Variants in WIPF1 observed in about 807,000 individuals in gnomAD.
The protein encoded by WIPF1 is WAS/WASL interacting protein family member 1.
Under a neutral mutation model 35.4 loss-of-function variants are expected in WIPF1, and 13 were observed. That is an observed-to-expected ratio of 0.37 (90% CI 0.24 to 0.58). WIPF1 has a LOEUF of 0.58. Ranked by LOEUF, WIPF1 falls within the 20% of genes least tolerant of loss-of-function variation. The pLI, the probability that WIPF1 is intolerant of heterozygous loss-of-function variation, is 0.74. For synonymous variants in WIPF1, 267 were observed against 266.3 expected, an observed-to-expected ratio of 1.00 and a Z score of -0.02; for missense variants, 591 against 667.0, an observed-to-expected ratio of 0.89 and a Z score of 1.25.
At chr2:174,680,780 G>A (rs1371518210) in intron 1 of WIPF1, among the ~76,000 whole-genome samples, 1 of 152,076 alleles carries the variant, frequency 6.6e-6, no homozygotes, top group Non-Finnish European at 1.5e-5. Flanking sequence ...TATAGCTTTC[G>A]TGTCTTGGTG....
intron 1 of WIPF1, among the ~76,000 whole-genome samples, chr2:174,595,323 A>G (rs988781012): frequency 3.3e-5 from 5 of 149,350 alleles, no homozygotes; most frequent in Non-Finnish European, 7.4e-5. Context: ...GAAAAGAAAA[A>G]GAAAAACAGA....
intron 1 of WIPF1, among the ~76,000 whole-genome samples, chr2:174,680,474 C>T (rs868485730): frequency 4.6e-5 from 7 of 152,198 alleles, no homozygotes; most frequent in African/African-American, 1.7e-4. Flanking sequence ...AGGAAGACCA[C>T]AGCCCTGGGA....
Position 174,571,337 on chromosome 2 carries a change from C to T in WIPF1, c.1129+339G>A. The T allele has an allele frequency of 5.7e-6, 3 of 526,082 alleles. No homozygotes were observed. The South Asian group carries it at 7.5e-5, about 13-fold the overall frequency. The allele number at this position is 526,082 out of a possible 1,614,324, so 32.6% of individuals were successfully genotyped here. ...GACTTATTTTCCCAATTAAGACCGC[C>T]GAAATTCTCTCTAGGGAGGCAGGGT... is the stretch of plus-strand genomic sequence containing the variant. On this transcript the variant is annotated intron_variant, in intron 5 of 7. Coordinates refer to ENST00000679041, the MANE Select transcript of WIPF1 (RefSeq NM_001375834.1). This position sits in a 1 kb window ranked among gnomAD's most constrained non-coding sequence, Gnocchi z 4.6.
upstream of WIPF1, among the ~76,000 whole-genome samples, chr2:174,599,309 T>G (rs1685917405): frequency 6.6e-6 from 1 of 152,172 alleles, no homozygotes; most frequent in African/African-American, 2.4e-5. Context: ...GTGCTCCTAC[T>G]GGGGAGTACT....
chr2:174,575,365 C>T lies in WIPF1; in HGVS notation c.197G>A (p.Gly66Asp). 1.9e-6 allele frequency: 3 copies of T among 1,611,682 alleles called. No individual in the cohort carries two copies. Among genetic ancestry groups the T allele is most frequent in the Middle Eastern group, 1.7e-4 (1 of 6,048 alleles). Reference protein sequence around the residue: ...APILDKPKGAGAGGGGGGFGG... With the variant: ...APILDKPKGADAGGGGGGFGG... ...AAAGCCACCACCACCGCCTCCAGCA[C>T]CAGCTCCTTTAGGTTCTGTAGAAGA... Residue 66 changes from glycine (G) to aspartate (D), a missense_variant, in exon 4 of 8, where the codon GGT (glycine) becomes GAT (aspartate). By Grantham distance (94) the Gly-to-Asp change is moderately conservative. Transcript: ENST00000679041.
chr2:174,609,677 G>A (rs1391606639), intron 1 of WIPF1, among the ~76,000 whole-genome samples: 1 of 152,216 alleles, frequency 6.6e-6, no homozygotes, highest in Non-Finnish European at 1.5e-5. Context: ...TATTTGTGAA[G>A]GTTCACTGAA....
intron 2 of WIPF1, among the ~76,000 whole-genome samples, chr2:174,582,853 C>T: frequency 6.6e-6 from 1 of 152,208 alleles, no homozygotes; most frequent in East Asian, 1.9e-4. Context: ...GTATTACTTG[C>T]TTATGATAAT....
At chr2:174,658,329 G>T (rs1208434091) in intron 1 of WIPF1, among the ~76,000 whole-genome samples, 1 of 152,194 alleles carries the variant, frequency 6.6e-6, no homozygotes, top group African/African-American at 2.4e-5. Context: ...CAGCCACTAG[G>T]CTGAACCCTT....
At chr2:174,654,915 A>T (rs1034912982) in intron 1 of WIPF1, among the ~76,000 whole-genome samples, 17 of 152,232 alleles carry the variant, frequency 1.1e-4, no homozygotes, top group African/African-American at 3.9e-4. Flanking sequence ...TGTGAGAGGC[A>T]AGGAAGCTAA....
chr2:174,627,395 TTTC>T (rs1447461362), intron 1 of WIPF1, among the ~76,000 whole-genome samples: 5 of 152,052 alleles, frequency 3.3e-5, no homozygotes, highest in South Asian at 2.1e-4. Flanking sequence ...GTCTTATGAT[TTTC>T]TTTTCTTTTT....
chr2:174,680,828 T>C (rs1688230797), intron 1 of WIPF1, among the ~76,000 whole-genome samples: 1 of 152,192 alleles, frequency 6.6e-6, no homozygotes. Flanking sequence ...CCCTGTATCA[T>C]ACTCCTTTTG....
rs35062209 is a variant in WIPF1, at chr2:174,674,903, T to TACACACACAC, written c.-39+7861_-39+7870dup. ...GCTTCTGTAAGTTGGCAGGTTCAAA[T>TACACACACAC]ACACACACACACACACACACACACA... On this transcript the variant is annotated intron_variant, in intron 1 of 8. Coordinates refer to the WIPF1 transcript ENST00000272746. 2.6e-3 allele frequency among the ~76,000 whole-genome samples: 349 copies of TACACACACAC among 134,016 alleles called. 3 individuals carry two copies. The highest frequency in any genetic ancestry group is 4.4e-3 in the Non-Finnish European group (275 of 62,876). 87.9% of individuals were successfully genotyped at this position (134,016 alleles called of 152,430 possible).
At chr2:174,609,902 A>G (rs996696398) in intron 1 of WIPF1, among the ~76,000 whole-genome samples, 3 of 152,332 alleles carry the variant, frequency 2.0e-5, no homozygotes, top group Middle Eastern at 3.4e-3. Context: ...GGAGCTTCAC[A>G]TTTTGTTACC....
chr2:174,576,570 G>A (rs867486478), intron 3 of WIPF1, among the ~76,000 whole-genome samples: 1 of 152,150 alleles, frequency 6.6e-6, no homozygotes, highest in Admixed American at 6.5e-5. Context: ...TGCAATTTGA[G>A]AGGGTATAAA....
In WIPF1 at chr2:174,567,655, G is replaced by A. The variant is rs745676577; in HGVS notation, c.1342+206C>T. Among the ~76,000 whole-genome samples the A allele has an allele frequency of 3.3e-5, 5 of 152,328 alleles. 1 individual carries two copies. Among genetic ancestry groups the A allele is most frequent in the South Asian group, 2.1e-4 (1 of 4,832 alleles). ...AGAACAGATCAGGGAAAAATGATCC[G>A]CCTTTTTGGGAAGTGGGGAAGGGGG... On this transcript the variant is annotated intron_variant, in intron 6 of 7. Transcript: ENST00000679041.
At chr2:174,632,384 C>T (rs901160502) in intron 1 of WIPF1, among the ~76,000 whole-genome samples, 6 of 152,110 alleles carry the variant, frequency 3.9e-5, no homozygotes, top group African/African-American at 1.4e-4. Context: ...AGAAGAAATA[C>T]AAACAGCTTT....
intron 1 of WIPF1, among the ~76,000 whole-genome samples, chr2:174,588,517 G>T (rs979806782): frequency 1.3e-5 from 2 of 152,136 alleles, no homozygotes; most frequent in African/African-American, 4.8e-5. Context: ...ACCCTGAAAG[G>T]CCTCCTTAAT....
chr2:174,561,177 A>T lies in WIPF1; in HGVS notation c.*1370T>A, dbSNP rs1684475058. 6.6e-6 allele frequency: 1 copy of T among 152,658 alleles called. No individual in the cohort carries two copies. The highest frequency in any genetic ancestry group is 6.5e-5 in the Admixed American group (1 of 15,284). The allele number at this position is 152,658 out of a possible 1,614,324, so 9.5% of individuals were successfully genotyped here. On this transcript the variant is annotated 3_prime_UTR_variant, in exon 8 of 8. Coordinates refer to ENST00000679041, the MANE Select transcript of WIPF1 (RefSeq NM_001375834.1). ...GCTATATTTGCATAGATCCTAGACA[A>T]ATGATGCAAAACAAATTCCCTCCAA... is the stretch of plus-strand genomic sequence containing the variant.
Position 174,575,314 on chromosome 2 carries a change from C to A in WIPF1, c.248G>T (p.Gly83Val). 6.2e-7 allele frequency: 1 copy of A among 1,613,982 alleles called. No homozygotes were observed. The highest frequency in any genetic ancestry group is 8.5e-7 in the Non-Finnish European group (1 of 1,179,950). ...GFGGGGGFGG[G>V]GGGGGGGSFG... ...ACTTCCACCGCCTCCGCCACCACCT[C>A]CTCCGCCAAATCCGCCGCCTCCACC... The change falls in exon 4 of 8, where the codon GGA (glycine) becomes GTA (valine). Residue 83 changes from glycine to valine, a missense_variant. Coordinates refer to ENST00000679041, the MANE Select transcript of WIPF1 (RefSeq NM_001375834.1).
Sources: allele counts gnomAD v4.1 joint callset (sites outside exome capture counted in the v4.1 genomes callset), GRCh38; gene constraint gnomAD v4.1.1; non-coding constraint Gnocchi (gnomAD v3.1); transcripts MANE v1.5; gene names NCBI Gene and HGNC (gene_info 2026-07-23, HGNC 2026-07-21).